The following FSD1L variants were observed in gnomAD, a reference collection of about 807,000 sequenced individuals.
FSD1L encodes the protein FSD1-like protein.
In FSD1L, 45 loss-of-function variants were observed where a neutral mutation model predicts 71.6. The ratio of observed to expected loss-of-function variants is 0.63; its 90% CI spans 0.49 to 0.81. The LOEUF (loss-of-function observed/expected upper bound fraction) is 0.81, where lower values mean the gene tolerates loss of function less well. FSD1L is among the 30% of genes least tolerant of loss of function. The pLI is 0.00. For synonymous variants in FSD1L, 197 were observed against 207.2 expected (o/e 0.95, Z 0.42); for missense variants, 561 against 618.1 (o/e 0.91, Z 0.98).
At position 105,546,954 on chromosome 9, in the gene FSD1L, A is replaced by G. The variant is rs1410091634; in HGVS notation, c.*471A>G. On this transcript the variant is annotated 3_prime_UTR_variant, in exon 14 of 14. Coordinates refer to ENST00000481272, the MANE Select transcript of FSD1L (RefSeq NM_001145313.3). ...CCAAGGTTTTCTAAAAATTGAAATC[A>G]TATGTTGGGAATGGTAAAAAGGTTT... 1 of 152,080 alleles carries G rather than the reference A, an allele frequency of 6.6e-6. No homozygotes were observed. The highest frequency in any genetic ancestry group is 1.9e-4 in the East Asian group (1 of 5,198). 9.4% of individuals were successfully genotyped at this position (152,080 alleles called of 1,614,324 possible).
intron 7 of FSD1L, among the ~76,000 whole-genome samples, chr9:105,490,527 A>G (rs1832858170): frequency 6.6e-6 from 1 of 150,716 alleles, no homozygotes; most frequent in East Asian, 1.9e-4. Context: ...CCAGTTGTCA[A>G]TTTTGGCTTT....
rs1399110236 is a variant in FSD1L, at chr9:105,549,677, G to T, written c.*3194G>T. On this transcript the variant is annotated 3_prime_UTR_variant, in exon 14 of 14. Coordinates refer to ENST00000481272, the MANE Select transcript of FSD1L (RefSeq NM_001145313.3). ...TAATTTACTTATTTATGAAATTAAA[G>T]CATGAATAATATGTATAATTTGAAT... is the stretch of plus-strand genomic sequence containing the variant. 3.9e-5 allele frequency: 6 copies of T among 151,988 alleles called. No homozygotes were observed. Among genetic ancestry groups the T allele is most frequent in the African/African-American group, 1.4e-4 (6 of 41,416 alleles). 9.4% of individuals were successfully genotyped at this position (151,988 alleles called of 1,614,324 possible). A position where few individuals can be genotyped will look rare whatever the true frequency, so the allele number is the denominator to read the frequency against.
intron 8 of FSD1L, 63 bp from the exon 9 acceptor site, chr9:105,508,553 TC>T: frequency 1.1e-6 from 1 of 921,194 alleles, no homozygotes. Context: ...AGGCTCATAC[TC>T]TTACTTTTGG....
intron 7 of FSD1L, among the ~76,000 whole-genome samples, chr9:105,493,593 C>T (rs1185246840): frequency 3.9e-5 from 6 of 151,972 alleles, no homozygotes; most frequent in South Asian, 2.1e-4. Context: ...TTCTTCCTAG[C>T]CTCGATGGTC....
intron 2 of FSD1L, among the ~76,000 whole-genome samples, 183 bp downstream of exon 2, chr9:105,461,798 G>A (rs1209943341): frequency 2.0e-5 from 3 of 152,136 alleles, no homozygotes; most frequent in African/African-American, 7.2e-5. Context: ...AGGATTGCTG[G>A]AGCCCAGAAG....
intron 7 of FSD1L, among the ~76,000 whole-genome samples, chr9:105,503,288 T>C (rs780683383): frequency 3.9e-5 from 6 of 152,144 alleles, no homozygotes; most frequent in Non-Finnish European, 8.8e-5. Context: ...GGAATCAAAT[T>C]AACTTATAAA....
intron 13 of FSD1L, among the ~76,000 whole-genome samples, chr9:105,544,362 C>T (rs918581990): frequency 2.0e-5 from 3 of 152,076 alleles, no homozygotes; most frequent in African/African-American, 7.2e-5. Flanking sequence ...AAATTTTTCT[C>T]CCATTCTGTA....
At position 105,508,618 on chromosome 9, in the gene FSD1L, C is replaced by T; in HGVS notation, c.798C>T (p.Gly266=). The T allele has an allele frequency of 6.5e-7, 1 of 1,545,952 alleles. No homozygotes were observed. Among genetic ancestry groups the T allele is most frequent in the Non-Finnish European group, 8.8e-7 (1 of 1,141,964 alleles). Residue 266 remains glycine, a splice_region_variant and synonymous_variant, in exon 9 of 14, where the codon GGC becomes GGT. Coordinates refer to ENST00000481272, the MANE Select transcript of FSD1L (RefSeq NM_001145313.3). ...AAAACCATGTTTTCGTTTCTTCAGG[C>T]TTAAAATTTGATTCAAAGTATATGA... ...NIKGTEYTLS[G]LKFDSKYMNF...
intron 2 of FSD1L, among the ~76,000 whole-genome samples, chr9:105,463,103 A>C (rs185521983): frequency 2.6e-5 from 4 of 151,360 alleles, no homozygotes; most frequent in African/African-American, 4.9e-5. Flanking sequence ...ACGCCATTGC[A>C]CTCCAACCTG....
chr9:105,521,922 A>G (rs1835190138), intron 10 of FSD1L: 1 of 1,612,502 alleles, frequency 6.2e-7, no homozygotes, highest in South Asian at 1.1e-5. Context: ...ACACACAGAT[A>G]TGTGTAAACG....
chr9:105,459,311 C>T (rs1481964736), intron 1 of FSD1L, among the ~76,000 whole-genome samples: 2 of 152,190 alleles, frequency 1.3e-5, no homozygotes, highest in African/African-American at 4.8e-5. Flanking sequence ...AACTTGTTTT[C>T]CAGTTCTACT....
At chr9:105,507,383 G>A (rs1341960185) in intron 8 of FSD1L, among the ~76,000 whole-genome samples, 1 of 152,160 alleles carries the variant, frequency 6.6e-6, no homozygotes, top group African/African-American at 2.4e-5. Flanking sequence ...AATATTAGGA[G>A]CACCATTATT....
intron 10 of FSD1L, among the ~76,000 whole-genome samples, chr9:105,518,085 G>A (rs193143188): frequency 2.1e-4 from 32 of 152,310 alleles, no homozygotes; most frequent in Non-Finnish European, 4.6e-4. Flanking sequence ...TAATGGTAAA[G>A]GGATCAATGC....
At chr9:105,522,072 A>G (rs975888036) in intron 10 of FSD1L, 16 of 1,611,154 alleles carry the variant, frequency 9.9e-6, no homozygotes, top group East Asian at 2.2e-5. Context: ...GTTCCAAGGG[A>G]AAAAAAATAT....
chr9:105,492,175 A>T (rs1226332201), intron 7 of FSD1L, among the ~76,000 whole-genome samples: 1 of 151,982 alleles, frequency 6.6e-6, no homozygotes, highest in African/African-American at 2.4e-5. Flanking sequence ...TCAATTTCAG[A>T]GCCTGTTATT....
At chr9:105,501,955 A>G (rs528526298) in intron 7 of FSD1L, among the ~76,000 whole-genome samples, 4 of 151,472 alleles carry the variant, frequency 2.6e-5, no homozygotes, top group African/African-American at 9.7e-5. Context: ...ACTCATTTCC[A>G]CCTGGCCAGA....
intron 10 of FSD1L, among the ~76,000 whole-genome samples, chr9:105,532,892 T>C (rs1162323364): frequency 6.6e-6 from 1 of 152,224 alleles, no homozygotes; most frequent in African/African-American, 2.4e-5. Context: ...GTCTAATAAG[T>C]CTGATTTCTG....
At chr9:105,521,770 G>T (rs1206134947) in intron 10 of FSD1L, 1 of 1,612,758 alleles carries the variant, frequency 6.2e-7, no homozygotes, top group Non-Finnish European at 8.5e-7. Context: ...TCCTACCAAG[G>T]TGCTCTTCAT....
chr9:105,499,451 T>C (rs1370508627), intron 7 of FSD1L, among the ~76,000 whole-genome samples: 1 of 152,156 alleles, frequency 6.6e-6, no homozygotes, highest in Non-Finnish European at 1.5e-5. Flanking sequence ...AGCATGTCTA[T>C]TGGCAACAGA....
Sources: gnomAD v4.1 joint callset for allele counts (sites outside exome capture counted in the v4.1 genomes callset) on GRCh38, gnomAD v4.1.1 for gene constraint, MANE v1.5 for transcripts, NCBI Gene and HGNC (gene_info 2026-07-23, HGNC 2026-07-21) for gene names.